The following FMNL2 variants were observed in gnomAD, a reference collection of about 807,000 sequenced individuals.
FMNL2 encodes formin like 2.
A neutral mutation model predicts 130.2 loss-of-function variants in FMNL2; 51 were observed. The observed-to-expected ratio is 0.39, with a 90% CI of 0.31 to 0.49. The LOEUF is 0.49. Among genes scored for constraint, FMNL2 ranks in the 20% least tolerant of loss-of-function variants. The probability of loss-of-function intolerance (pLI) is 0.85; values close to 1 mark genes in which losing one functional copy is unlikely to be tolerated. For missense variants in FMNL2, 977 were observed against 1,316.2 expected, an observed-to-expected ratio of 0.74 and a Z score of 3.99; for synonymous variants, 465 against 467.1, an observed-to-expected ratio of 1.00 and a Z score of 0.06.
At chr2:152,625,616 C>T in intron 16 of FMNL2, 54 bp downstream of exon 16, 1 of 1,546,198 alleles carries the variant, frequency 6.5e-7, no homozygotes, top group South Asian at 1.2e-5. Flanking sequence ...GCAAAGCCGG[C>T]ATGGGTGTTC....
At chr2:152,462,727 G>C (rs1468055913) in intron 1 of FMNL2, among the ~76,000 whole-genome samples, 1 of 152,116 alleles carries the variant, frequency 6.6e-6, no homozygotes, top group African/African-American at 2.4e-5. Flanking sequence ...ATCCCACTTG[G>C]CTAACAAAAA....
At chr2:152,566,260 G>A (rs1695831200) in intron 6 of FMNL2, among the ~76,000 whole-genome samples, 2 of 152,192 alleles carry the variant, frequency 1.3e-5, no homozygotes, top group African/African-American at 2.4e-5. Flanking sequence ...ATTATTAAAA[G>A]TATTTTTCAG....
At chr2:152,509,524 T>A (rs958997462) in intron 1 of FMNL2, among the ~76,000 whole-genome samples, 2 of 151,974 alleles carry the variant, frequency 1.3e-5, no homozygotes, top group Admixed American at 6.6e-5. Flanking sequence ...AGTGTACACA[T>A]GTGAAATGGC....
intron 1 of FMNL2, among the ~76,000 whole-genome samples, chr2:152,337,162 G>A (rs1681518899): frequency 6.6e-6 from 1 of 152,164 alleles, no homozygotes; most frequent in African/African-American, 2.4e-5. Context: ...TGCATCTCCT[G>A]TGATCTCCCA....
intron 9 of FMNL2, among the ~76,000 whole-genome samples, chr2:152,604,101 TATA>T (rs1438027955): frequency 6.6e-6 from 1 of 151,084 alleles, no homozygotes; most frequent in Non-Finnish European, 1.5e-5. Context: ...GTATGCATGG[TATA>T]ATGACTATGT....
intron 1 of FMNL2, among the ~76,000 whole-genome samples, chr2:152,397,962 A>T (rs1365818498): frequency 6.6e-6 from 1 of 152,028 alleles, no homozygotes; most frequent in Non-Finnish European, 1.5e-5. Flanking sequence ...CATCTCTACT[A>T]AAAAATACAA....
At chr2:152,530,732 G>T (rs1693642282) in intron 2 of FMNL2, among the ~76,000 whole-genome samples, 1 of 152,176 alleles carries the variant, frequency 6.6e-6, no homozygotes, top group Non-Finnish European at 1.5e-5. Flanking sequence ...TGTTCTTGAT[G>T]AACTTTCAAG....
At chr2:152,507,784 T>C (rs1362554445) in intron 1 of FMNL2, among the ~76,000 whole-genome samples, 1 of 152,018 alleles carries the variant, frequency 6.6e-6, no homozygotes, top group Non-Finnish European at 1.5e-5. Context: ...AACAGGGAGA[T>C]CTTTTTGTTC....
At chr2:152,399,752 T>C (rs9967683) in intron 1 of FMNL2, among the ~76,000 whole-genome samples, 1,956 of 152,242 alleles carry the variant, frequency 0.013, 37 homozygotes, top group African/African-American at 0.045. Flanking sequence ...ATCGATTCGA[T>C]TGAGAGGCTG....
At chr2:152,521,535 A>C (rs1045933786) in intron 1 of FMNL2, among the ~76,000 whole-genome samples, 9 of 151,992 alleles carry the variant, frequency 5.9e-5, no homozygotes, top group African/African-American at 2.2e-4. Context: ...TATAATTTGA[A>C]TCTATCAGTG....
At chr2:152,403,494 G>A (rs561646441) in intron 1 of FMNL2, among the ~76,000 whole-genome samples, 2 of 151,434 alleles carry the variant, frequency 1.3e-5, no homozygotes, top group Admixed American at 6.6e-5. Flanking sequence ...TGTTTGAATC[G>A]TTTCAGCTTT....
intron 1 of FMNL2, among the ~76,000 whole-genome samples, chr2:152,337,105 C>G (rs957521761): frequency 2.6e-5 from 4 of 152,150 alleles, no homozygotes; most frequent in African/African-American, 9.7e-5. Context: ...CACCTGGAAA[C>G]TCTGGTGTGG....
intron 15 of FMNL2, chr2:152,621,197 TGTG>T (rs1370045422): frequency 5.4e-6 from 5 of 929,782 alleles, no homozygotes; most frequent in Middle Eastern, 5.4e-4. Flanking sequence ...ATGTGTCTGC[TGTG>T]GTATCTCATT....
At chr2:152,370,680 C>G (rs1187607482) in intron 1 of FMNL2, among the ~76,000 whole-genome samples, 1 of 152,116 alleles carries the variant, frequency 6.6e-6, no homozygotes, top group Admixed American at 6.5e-5. Flanking sequence ...TTACTTGAAC[C>G]TTTGTGAAGG....
chr2:152,504,387 C>T (rs1462317855), intron 1 of FMNL2, among the ~76,000 whole-genome samples: 1 of 151,876 alleles, frequency 6.6e-6, no homozygotes, highest in Non-Finnish European at 1.5e-5. Flanking sequence ...GCTGGGATTA[C>T]AGGCATGCAC....
chr2:152,420,666 C>T (rs1027976557), intron 1 of FMNL2, among the ~76,000 whole-genome samples: 8 of 152,298 alleles, frequency 5.3e-5, no homozygotes, highest in African/African-American at 1.9e-4. Context: ...CAGCACTGAG[C>T]TGCCTCCCAG....
At chr2:152,425,749 G>A (rs929835748) in intron 1 of FMNL2, among the ~76,000 whole-genome samples, 2 of 152,216 alleles carry the variant, frequency 1.3e-5, no homozygotes, top group Admixed American at 6.5e-5. Context: ...ACATTGGAAA[G>A]AGATATGAAC....
At chr2:152,639,321 C>A (rs1274450254) in intron 23 of FMNL2, among the ~76,000 whole-genome samples, 1 of 152,178 alleles carries the variant, frequency 6.6e-6, no homozygotes, top group African/African-American at 2.4e-5. Flanking sequence ...GCTTCAGCTG[C>A]AAATTAGGTA....
chr2:152,622,458 C>T (rs1681409687), intron 15 of FMNL2: 6 of 456,616 alleles, frequency 1.3e-5, no homozygotes, highest in South Asian at 4.6e-5. Context: ...ATGCTGAGTG[C>T]GTGAACTGCT....
Sources: allele counts gnomAD v4.1 joint callset (sites outside exome capture counted in the v4.1 genomes callset), GRCh38; gene constraint gnomAD v4.1.1; transcripts MANE v1.5; gene names NCBI Gene and HGNC (gene_info 2026-07-23, HGNC 2026-07-21).